Variants in USP36 observed in about 807,000 individuals in gnomAD.
USP36 encodes ubiquitin carboxyl-terminal hydrolase 36.
In USP36, 59 loss-of-function variants were observed where a neutral mutation model predicts 111.5. That is an observed-to-expected ratio of 0.53 (90% confidence interval 0.43 to 0.66). The LOEUF (loss-of-function observed/expected upper bound fraction) is 0.66, where lower values mean the gene tolerates loss of function less well. Ranked by LOEUF, USP36 falls within the 30% of genes least tolerant of loss-of-function variation. The probability of loss-of-function intolerance (pLI) is 0.00; values close to 1 mark genes in which losing one functional copy is unlikely to be tolerated. For synonymous variants in USP36, 628 were observed against 581.0 expected (o/e 1.08, Z -1.16); for missense variants, 1,488 against 1,468.0 (o/e 1.01, Z -0.22).
At chr17:78,800,434 G>A (rs538276996) in intron 17 of USP36, among the ~76,000 whole-genome samples, 11 of 152,326 alleles carry the variant, frequency 7.2e-5, no homozygotes, top group African/African-American at 2.4e-4. Context: ...CACCCTCATC[G>A]GGTTCTAGAA....
rs370485135 is a variant in USP36, at chr17:78,806,165, T to C, written c.2207A>G (p.His736Arg). 1.1e-5 allele frequency: 18 copies of C among 1,613,328 alleles called. No homozygotes were observed. Among genetic ancestry groups the C allele is most frequent in the Non-Finnish European group, 1.4e-5 (17 of 1,179,928 alleles). Residue 736 changes from histidine (H) to arginine (R), a missense_variant, in exon 15 of 21, where the codon CAT (histidine) becomes CGT (arginine). By Grantham distance (29) the His-to-Arg change is conservative. Transcript: ENST00000449938. ...HPVVASTWPV[H>R]RARAVSPAPQ... ...CCGGCCCAAAGCTTACCTGGCTCTA[T>C]GGACGGGCCAAGTGGAGGCAACGAC... is the stretch of plus-strand genomic sequence containing the variant.
intron 14 of USP36, among the ~76,000 whole-genome samples, chr17:78,806,570 G>A (rs1485133901): frequency 6.6e-6 from 1 of 152,216 alleles, no homozygotes; most frequent in Non-Finnish European, 1.5e-5. Flanking sequence ...GCTTCCTGCT[G>A]CAGAGGTGCC....
At chr17:78,837,961 T>G (rs528255264) in intron 2 of USP36, among the ~76,000 whole-genome samples, 2 of 152,360 alleles carry the variant, frequency 1.3e-5, no homozygotes, top group African/African-American at 4.8e-5. Context: ...GGCCTGGGCC[T>G]GTCGTCCCAG....
chr17:78,802,267 C>G lies in USP36; in HGVS notation c.3022+57G>C, dbSNP rs1251695204. The G allele has an allele frequency of 1.7e-5, 25 of 1,508,482 alleles. No homozygotes were observed. The Admixed American group carries it at 4.8e-4, about 29-fold the overall frequency. 93.4% of individuals were successfully genotyped at this position (1,508,482 alleles called of 1,614,324 possible). A position where few individuals can be genotyped will look rare whatever the true frequency, so the allele number is the denominator to read the frequency against. ...GCCCGGTGCACACCCATGCGGTCCC[C>G]CAACCCCTCGCCCGGTGCACACCCA... On this transcript the variant is annotated intron_variant, in intron 17 of 20. Transcript: ENST00000449938.
At position 78,820,971 on chromosome 17, in the gene USP36, A is replaced by C; in HGVS notation, c.828+20T>G. The C allele has an allele frequency of 6.2e-7, 1 of 1,603,004 alleles. No homozygotes were observed. The highest frequency in any genetic ancestry group is 2.2e-5 in the East Asian group (1 of 44,526). On this transcript the variant is annotated intron_variant, in intron 8 of 20. Transcript: ENST00000449938. ...CCTCGCTCTCCTACTGCAAAAGTGAAGGGCAGGACAGATCTGTACCCGGAT... is the reference window on the plus strand; with the variant it reads ...CCTCGCTCTCCTACTGCAAAAGTGACGGGCAGGACAGATCTGTACCCGGAT...
intron 18 of USP36, 42 bp downstream of exon 18, chr17:78,799,625 A>G (rs763743290): frequency 6.3e-7 from 1 of 1,593,462 alleles, no homozygotes; most frequent in Non-Finnish European, 8.6e-7. Context: ...TACAAAACCA[A>G]CCAATGAAAG....
rs184319400 is a variant in USP36 at position 78,810,257 on chromosome 17, C to T, written c.1407+2603G>A. 5.8e-3 allele frequency among the ~76,000 whole-genome samples: 880 copies of T among 152,012 alleles called. 38 individuals are homozygous for T. The East Asian group carries it at 0.11, about 19-fold the overall frequency. Reference sequence around the variant, plus strand: ...CCCCCAACAGCTTACTGAATATTCTCTGTGCTGATGGGATCTATGTTGCCC... The same window carrying T: ...CCCCCAACAGCTTACTGAATATTCTTTGTGCTGATGGGATCTATGTTGCCC... On this transcript the variant is annotated intron_variant, in intron 13 of 20. Transcript: ENST00000449938.
At chr17:78,838,385 AACAAAAAAC>A (rs1461228984) in intron 2 of USP36, among the ~76,000 whole-genome samples, 193 bp downstream of exon 2, 28 of 150,392 alleles carry the variant, frequency 1.9e-4, no homozygotes, top group African/African-American at 6.2e-4. Flanking sequence ...AAAAAAAAAA[AACAAAAAAC>A]AAAAAACTTC....
At chr17:78,830,758 T>C (rs1230073908) in intron 4 of USP36, among the ~76,000 whole-genome samples, 1 of 152,134 alleles carries the variant, frequency 6.6e-6, no homozygotes, top group African/African-American at 2.4e-5. Context: ...TACACAAAAT[T>C]CTTCTTGAAG....
At chr17:78,820,095 T>C in intron 8 of USP36, 83 bp from the exon 9 acceptor site, 1 of 1,444,976 alleles carries the variant, frequency 6.9e-7, no homozygotes, top group Non-Finnish European at 9.6e-7. Context: ...AGGTCTTTTT[T>C]AGGCTGAGGC....
At chr17:78,821,113 C>T in intron 7 of USP36, 52 bp from the exon 8 acceptor site, 2 of 1,543,552 alleles carry the variant, frequency 1.3e-6, no homozygotes, top group South Asian at 2.4e-5. Context: ...GAGGCACTCC[C>T]AGCTCCCAAG....
At chr17:78,794,362 CCTGA>C (rs1227334627), downstream of USP36, among the ~76,000 whole-genome samples, 2 of 152,212 alleles carry the variant, frequency 1.3e-5, no homozygotes, top group African/African-American at 4.8e-5. Context: ...CGCTTTTGCA[CCTGA>C]CTTACAGTTA....
intron 15 of USP36, among the ~76,000 whole-genome samples, 187 bp downstream of exon 15, chr17:78,805,969 C>A (rs1175201504): frequency 6.6e-6 from 1 of 152,208 alleles, no homozygotes; most frequent in African/African-American, 2.4e-5. Context: ...CCACCCAAAG[C>A]TCCTTTACCA....
intron 17 of USP36, 112 bp from the exon 18 acceptor site, chr17:78,799,880 T>C: frequency 3.2e-6 from 1 of 309,398 alleles, no homozygotes; most frequent in Non-Finnish European, 4.9e-6. Context: ...TGCTTGCCTT[T>C]TTTTTTTTTT....
intron 13 of USP36, among the ~76,000 whole-genome samples, chr17:78,809,040 T>C (rs1252412036): frequency 2.6e-5 from 4 of 152,232 alleles, no homozygotes; most frequent in African/African-American, 9.6e-5. Flanking sequence ...CATTTGCTAA[T>C]TTGACACTCG....
intron 13 of USP36, among the ~76,000 whole-genome samples, chr17:78,811,522 T>G (rs949215164): frequency 6.6e-6 from 1 of 152,170 alleles, no homozygotes; most frequent in African/African-American, 2.4e-5. Flanking sequence ...CACAGCAGAA[T>G]TACCCAAATC....
chr17:78,821,419 TA>T (rs1229759151), intron 7 of USP36: 72 of 52,540 alleles, frequency 1.4e-3, no homozygotes, highest in East Asian at 2.5e-3. Flanking sequence ...TATATATATA[TA>T]TTTTTTTTTT....
intron 13 of USP36, among the ~76,000 whole-genome samples, chr17:78,809,402 T>C (rs2093994655): frequency 6.6e-6 from 1 of 152,230 alleles, no homozygotes; most frequent in Admixed American, 6.5e-5. Flanking sequence ...CGCAAAGCCG[T>C]TTCACTGGCT....
Position 78,818,660 on chromosome 17 carries a change from C to T in USP36, c.1023+7G>A, listed in dbSNP as rs769536607. On this transcript the variant is annotated splice_region_variant and intron_variant, in intron 10 of 20. Coordinates refer to ENST00000449938, the MANE Select transcript of USP36 (RefSeq NM_001385174.1). ...GAGCTGCCTGGGATGGTGTCACGAG[C>T]GCTCACCTTGGTGATCTTCCCCCCG... The T allele has an allele frequency of 1.5e-5, 24 of 1,612,966 alleles. No homozygotes were observed. The African/African-American group carries it at 1.9e-4, about 13-fold the overall frequency.
Sources: gnomAD v4.1 joint callset for allele counts (sites outside exome capture counted in the v4.1 genomes callset) on GRCh38, gnomAD v4.1.1 for gene constraint, MANE v1.5 for transcripts, NCBI Gene and HGNC (gene_info 2026-07-23, HGNC 2026-07-21) for gene names.